Variants in DGKB observed in about 807,000 individuals in gnomAD.
The protein encoded by DGKB is diacylglycerol kinase beta.
DGKB carries 67 observed loss-of-function variants against 114.3 expected under a neutral mutation model. The observed-to-expected ratio is 0.59, with a 90% confidence interval of 0.48 to 0.72. The LOEUF (loss-of-function observed/expected upper bound fraction) is 0.72, where lower values mean the gene tolerates loss of function less well. DGKB is among the 30% of genes least tolerant of loss of function. The pLI, the probability that DGKB is intolerant of heterozygous loss-of-function variation, is 0.00. For missense variants in DGKB, 907 were observed against 975.2 expected (o/e 0.93, Z 0.93); for synonymous variants, 398 against 323.1 (o/e 1.23, Z -2.49).
chr7:14,922,951 A>G (rs1401028546), intron 1 of DGKB, among the ~76,000 whole-genome samples: 1 of 152,194 alleles, frequency 6.6e-6, no homozygotes, highest in African/African-American at 2.4e-5. Context: ...GCACTAAAAT[A>G]TATTCCTTCA....
chr7:14,320,464 G>T (rs1263259090), intron 23 of DGKB, among the ~76,000 whole-genome samples: 1 of 152,018 alleles, frequency 6.6e-6, no homozygotes, highest in Non-Finnish European at 1.5e-5. Flanking sequence ...AGACTACATT[G>T]TGATTCTCTT....
At chr7:14,884,129 G>A (rs577047812) in intron 1 of DGKB, among the ~76,000 whole-genome samples, 31 of 152,080 alleles carry the variant, frequency 2.0e-4, no homozygotes, top group African/African-American at 7.5e-4. Flanking sequence ...TGCAACTAGT[G>A]ATCTCTGTTG....
chr7:14,758,911 A>AGATAGATAGATAGAT (rs1835275560), intron 2 of DGKB, among the ~76,000 whole-genome samples: 1 of 148,532 alleles, frequency 6.7e-6, no homozygotes, highest in African/African-American at 2.6e-5. Flanking sequence ...ATAGATAGAT[A>AGATAGATAGATAGAT]GATAGATAGA....
intron 21 of DGKB, among the ~76,000 whole-genome samples, chr7:14,413,828 C>T (rs922020101): frequency 6.6e-6 from 1 of 152,018 alleles, no homozygotes; most frequent in Non-Finnish European, 1.5e-5. Context: ...AAAACATCTT[C>T]AGTATTTTGG....
chr7:14,920,993 T>C (rs1784487425), intron 1 of DGKB, among the ~76,000 whole-genome samples: 1 of 152,188 alleles, frequency 6.6e-6, no homozygotes. Flanking sequence ...TGTGCAGATT[T>C]GTTACATAGG....
At chr7:14,704,612 C>T (rs1191495784) in intron 6 of DGKB, among the ~76,000 whole-genome samples, 1 of 152,008 alleles carries the variant, frequency 6.6e-6, no homozygotes, top group Non-Finnish European at 1.5e-5. Flanking sequence ...CAGCACGCAG[C>T]TGAAGATCTG....
At chr7:14,219,471 G>A (rs1293942327) in intron 23 of DGKB, among the ~76,000 whole-genome samples, 1 of 151,716 alleles carries the variant, frequency 6.6e-6, no homozygotes, top group Non-Finnish European at 1.5e-5. Context: ...GGTGGGCAGT[G>A]GTATTTCTTT....
At chr7:14,397,196 T>C (rs974520161) in intron 21 of DGKB, among the ~76,000 whole-genome samples, 2 of 152,098 alleles carry the variant, frequency 1.3e-5, no homozygotes, top group Non-Finnish European at 2.9e-5. Context: ...GTATGAATAA[T>C]TGTGTTGTAC....
chr7:14,894,770 A>C (rs1204961777), intron 1 of DGKB, among the ~76,000 whole-genome samples: 1 of 151,642 alleles, frequency 6.6e-6, no homozygotes, highest in East Asian at 1.9e-4. Flanking sequence ...CAAAAGCCTT[A>C]TCACTTCACT....
At chr7:14,668,381 A>G (rs942359908) in intron 13 of DGKB, among the ~76,000 whole-genome samples, 2 of 152,116 alleles carry the variant, frequency 1.3e-5, no homozygotes, top group Non-Finnish European at 2.9e-5. Flanking sequence ...GAGATACAAC[A>G]GATAAAATCT....
chr7:14,763,151 G>C (rs1464546712), intron 2 of DGKB, among the ~76,000 whole-genome samples: 4 of 151,894 alleles, frequency 2.6e-5, no homozygotes, highest in African/African-American at 9.7e-5. Flanking sequence ...CTCTTCTTTT[G>C]CTGATGATTT....
intron 1 of DGKB, among the ~76,000 whole-genome samples, chr7:14,938,415 A>C (rs1785386166): frequency 6.6e-6 from 1 of 152,204 alleles, no homozygotes; most frequent in South Asian, 2.1e-4. Flanking sequence ...TTTCCTTCTT[A>C]ACTAAAATAA....
At chr7:14,620,011 C>G (rs958622027) in intron 15 of DGKB, among the ~76,000 whole-genome samples, 1 of 151,370 alleles carries the variant, frequency 6.6e-6, no homozygotes, top group Non-Finnish European at 1.5e-5. Context: ...TTAAACTTAT[C>G]AATATTAGGC....
chr7:14,685,441 C>G, intron 9 of DGKB, 79 bp from the exon 10 acceptor site: 1 of 1,039,052 alleles, frequency 9.6e-7, no homozygotes, highest in Middle Eastern at 2.1e-4. Context: ...AAATTCAGAG[C>G]TGGACTGAAG....
intron 5 of DGKB, among the ~76,000 whole-genome samples, chr7:14,720,198 AT>A (rs1265015692): frequency 3.9e-5 from 6 of 152,020 alleles, no homozygotes; most frequent in African/African-American, 9.7e-5. Context: ...TATTCTGAAA[AT>A]TTTTCTCAAA....
At chr7:14,572,641 A>C (rs1158018054) in intron 20 of DGKB, among the ~76,000 whole-genome samples, 7 of 152,138 alleles carry the variant, frequency 4.6e-5, no homozygotes, top group Admixed American at 4.6e-4. Flanking sequence ...ATTAATATCT[A>C]AAGATTGGAA....
rs1480330914 is a variant in DGKB at position 14,442,035 on chromosome 7, A to T, written c.1835+36126T>A. Among the ~76,000 whole-genome samples, 7 of 152,130 alleles carry T rather than the reference A, an allele frequency of 4.6e-5. No individual in the cohort carries two copies. In the East Asian group the frequency reaches 1.4e-3, roughly 29 times the overall value. On this transcript the variant is annotated intron_variant, in intron 21 of 25. Transcript: ENST00000402815. ...TTAATTTCCTTCCTCATTCTGTCTT[A>T]GATTCAAATGTCATAAAATGAGTGG...
intron 2 of DGKB, among the ~76,000 whole-genome samples, chr7:14,817,364 C>A (rs1318418147): frequency 3.3e-5 from 5 of 152,014 alleles, no homozygotes. Context: ...TGTCTAGGCT[C>A]AAAATTTGGT....
chr7:14,331,698 A>G (rs1309749407), intron 23 of DGKB, among the ~76,000 whole-genome samples: 2 of 152,170 alleles, frequency 1.3e-5, no homozygotes, highest in Non-Finnish European at 2.9e-5. Context: ...AAAGATGAAG[A>G]CATGGGAGCT....
Sources: allele counts gnomAD v4.1 joint callset (sites outside exome capture counted in the v4.1 genomes callset), GRCh38; gene constraint gnomAD v4.1.1; transcripts MANE v1.5; gene names NCBI Gene and HGNC (gene_info 2026-07-23, HGNC 2026-07-21).